The following MACROD1 variants were observed in gnomAD, a reference collection of about 807,000 sequenced individuals.
MACROD1 encodes the protein ADP-ribose glycohydrolase MACROD1.
MACROD1 carries 31 observed loss-of-function variants against 41.4 expected under a neutral mutation model. That is an observed-to-expected ratio of 0.75 (90% CI 0.56 to 1.01). MACROD1 has a LOEUF of 1.01. Among genes scored for constraint, MACROD1 ranks in the 50% least tolerant of loss-of-function variants. The pLI is 0.00. For synonymous variants in MACROD1, 252 were observed against 203.4 expected, an observed-to-expected ratio of 1.24 and a Z score of -2.03; for missense variants, 473 against 460.0, an observed-to-expected ratio of 1.03 and a Z score of -0.26.
At chr11:64,021,841 C>A (rs1254669934) in intron 3 of MACROD1, among the ~76,000 whole-genome samples, 1 of 150,348 alleles carries the variant, frequency 6.7e-6, no homozygotes, top group African/African-American at 2.5e-5. Context: ...GGCTGGGAGA[C>A]CATCAGGAAA....
intron 3 of MACROD1, among the ~76,000 whole-genome samples, chr11:64,045,658 G>C (rs1447467771): frequency 1.3e-5 from 2 of 152,178 alleles, no homozygotes; most frequent in Non-Finnish European, 2.9e-5. Flanking sequence ...ACTGCTCCTG[G>C]GGTCTCAAAG....
At position 64,031,479 on chromosome 11, in the gene MACROD1, T is replaced by A. The variant is rs1040881890; in HGVS notation, c.518-16198A>T. On this transcript the variant is annotated intron_variant, in intron 3 of 10. Transcript: ENST00000255681. The stretch of plus-strand genomic sequence containing the variant: ...GCCTGCCTGCCTGCCTGCCTTCCTT[T>A]TTTTTTTTTTTTTTTTGTGACGTAG... Among the ~76,000 whole-genome samples, 57 of 142,898 alleles carry A rather than the reference T, an allele frequency of 4.0e-4. No individual in the cohort carries two copies. In the East Asian group the frequency reaches 0.011, roughly 27 times the overall value. 93.7% of individuals were successfully genotyped at this position (142,898 alleles called of 152,430 possible). A position where few individuals can be genotyped will look rare whatever the true frequency, so the allele number is the denominator to read the frequency against.
intron 3 of MACROD1, among the ~76,000 whole-genome samples, chr11:64,020,221 G>GGCTGGGTAA: frequency 6.6e-6 from 1 of 152,318 alleles, no homozygotes; most frequent in Admixed American, 6.5e-5. Flanking sequence ...CCTGGGCCCA[G>GGCTGGGTAA]GCTGGGTAAG....
intron 3 of MACROD1, among the ~76,000 whole-genome samples, chr11:64,034,207 G>A (rs1943331151): frequency 6.6e-6 from 1 of 152,200 alleles, no homozygotes; most frequent in Non-Finnish European, 1.5e-5. Flanking sequence ...CAGAGCCCCA[G>A]GGCCACACGT....
intron 3 of MACROD1, among the ~76,000 whole-genome samples, chr11:64,033,187 C>A (rs749015034): frequency 4.6e-5 from 7 of 152,192 alleles, no homozygotes; most frequent in Non-Finnish European, 1.0e-4. Flanking sequence ...AGGTGCCCAG[C>A]CCCCATGCTG....
chr11:64,016,139 T>C (rs988947748), intron 3 of MACROD1, among the ~76,000 whole-genome samples: 2 of 135,460 alleles, frequency 1.5e-5, no homozygotes, highest in African/African-American at 5.0e-5. Context: ...CGCACAGCCC[T>C]GTCTGTCTCA....
chr11:64,078,802 T>C (rs1379437261), intron 3 of MACROD1, among the ~76,000 whole-genome samples: 3 of 126,990 alleles, frequency 2.4e-5, no homozygotes, highest in African/African-American at 9.2e-5. Flanking sequence ...GAGGCCTCTC[T>C]GAGCAGGGGG....
At position 63,999,582 on chromosome 11, in the gene MACROD1, G is replaced by A. The variant is rs747998190; in HGVS notation, c.787-22C>T. On this transcript the variant is annotated intron_variant, in intron 6 of 10. Transcript: ENST00000255681. The stretch of plus-strand genomic sequence containing the variant: ...ACGCCTGGGCGGGGAGGGGTGAGAG[G>A]GGGTTGGAACATTGTCACTGCGCCC... 9.9e-6 allele frequency: 16 copies of A among 1,610,524 alleles called. No individual in the cohort carries two copies. The East Asian group carries it at 2.5e-4, about 25-fold the overall frequency.
intron 3 of MACROD1, among the ~76,000 whole-genome samples, chr11:64,144,623 C>A (rs1182180228): frequency 2.0e-5 from 3 of 152,030 alleles, no homozygotes; most frequent in Non-Finnish European, 4.4e-5. Context: ...AGGAGGGAGC[C>A]CGGCCCCACC....
intron 3 of MACROD1, chr11:64,081,986 T>G (rs1416264490): frequency 6.6e-6 from 1 of 152,130 alleles, no homozygotes; most frequent in Non-Finnish European, 1.5e-5. Flanking sequence ...CCCACAGCTG[T>G]GTCAATAAAG....
intron 3 of MACROD1, among the ~76,000 whole-genome samples, chr11:64,056,722 G>T (rs1046094616): frequency 3.9e-5 from 6 of 152,214 alleles, no homozygotes; most frequent in Non-Finnish European, 5.9e-5. Context: ...CAGAGAACCC[G>T]GCAGGGGTGT....
At chr11:64,027,039 C>A (rs1159558212) in intron 3 of MACROD1, among the ~76,000 whole-genome samples, 2 of 152,246 alleles carry the variant, frequency 1.3e-5, no homozygotes, top group African/African-American at 4.8e-5. Flanking sequence ...GAGACGACCT[C>A]ATTTGCTTTG....
At chr11:64,041,199 TAAAAAAA>T (rs71045724) in intron 3 of MACROD1, among the ~76,000 whole-genome samples, 8 of 21,598 alleles carry the variant, frequency 3.7e-4, no homozygotes, top group African/African-American at 1.1e-3. Context: ...TAGCAAACTG[TAAAAAAA>T]AAAAAAAAAA....
At chr11:64,116,610 G>A (rs867402073) in intron 3 of MACROD1, 5 of 1,614,048 alleles carry the variant, frequency 3.1e-6, no homozygotes, top group Admixed American at 1.7e-5. Flanking sequence ...CTACCTATAC[G>A]AGAATGACCT....
At chr11:64,020,620 G>A (rs1943140400) in intron 3 of MACROD1, among the ~76,000 whole-genome samples, 1 of 152,034 alleles carries the variant, frequency 6.6e-6, no homozygotes, top group African/African-American at 2.4e-5. Flanking sequence ...GCCTGGAGGA[G>A]ACCCTCATCA....
At chr11:64,148,792 G>C (rs1304744314) in intron 3 of MACROD1, 1 of 985,592 alleles carries the variant, frequency 1.0e-6, no homozygotes, top group Admixed American at 6.2e-5. Context: ...CTGATATATG[G>C]GCTCCTGGGA....
intron 3 of MACROD1, among the ~76,000 whole-genome samples, chr11:64,147,973 A>G (rs1945519423): frequency 6.6e-6 from 1 of 152,078 alleles, no homozygotes; most frequent in Admixed American, 6.6e-5. Flanking sequence ...TCCCGAGCTC[A>G]AGTGATCCTC....
chr11:64,096,535 C>G lies in MACROD1; in HGVS notation c.517+54704G>C, dbSNP rs1272832082. Among the ~76,000 whole-genome samples, 2 of 152,044 alleles carry G rather than the reference C, an allele frequency of 1.3e-5. No homozygotes were observed. Among genetic ancestry groups the G allele is most frequent in the Non-Finnish European group, 2.9e-5 (2 of 68,006 alleles). On this transcript the variant is annotated intron_variant, in intron 3 of 10. Coordinates refer to ENST00000255681, the MANE Select transcript of MACROD1 (RefSeq NM_014067.4). This position sits in a 1 kb window ranked among gnomAD's most constrained non-coding sequence, Gnocchi z 4.6. ...GGTTCAAGCAATTCTCTTGCCTCAGCCCACCGAGTAGCTGGGATTACAGGC... is the reference window on the plus strand; with the variant it reads ...GGTTCAAGCAATTCTCTTGCCTCAGGCCACCGAGTAGCTGGGATTACAGGC...
chr11:64,042,390 G>A (rs1943504813), intron 3 of MACROD1, among the ~76,000 whole-genome samples: 1 of 152,210 alleles, frequency 6.6e-6, no homozygotes. Flanking sequence ...TGTTGCCCAG[G>A]CCTGGACCCC....
Sources: allele counts gnomAD v4.1 joint callset (sites outside exome capture counted in the v4.1 genomes callset), GRCh38; gene constraint gnomAD v4.1.1; non-coding constraint Gnocchi (gnomAD v3.1); transcripts MANE v1.5; gene names NCBI Gene and HGNC (gene_info 2026-07-23, HGNC 2026-07-21).